MATR3: variants seen among roughly 807,000 people sequenced by gnomAD.
MATR3 encodes the protein matrin 3, also known as matrin-3.
Under a neutral mutation model 85.5 loss-of-function variants are expected in MATR3, and 4 were observed. The observed-to-expected ratio is 0.05, with a 90% CI of 0.02 to 0.11. MATR3 has a LOEUF of 0.11. MATR3 is among the 10% of genes least tolerant of loss of function. The pLI is 1.00. For missense variants in MATR3, 685 were observed against 1,016.1 expected (o/e 0.67, Z 4.43); for synonymous variants, 336 against 343.1 (o/e 0.98, Z 0.23).
In MATR3 at chr5:139,325,619, A is replaced by G; in HGVS notation, c.2328A>G (p.Pro776=). 2 of 1,614,206 alleles carry G rather than the reference A, an allele frequency of 1.2e-6. No homozygotes were observed. Among genetic ancestry groups the G allele is most frequent in the East Asian group, 2.2e-5 (1 of 44,884 alleles). ...SDENKDDYTI[P]DEYRIGPYQP... ...AGAACAAGGACGACTATACAATCCCAGATGAGTATAGAATTGGACCATATC... is the reference window on the plus strand; with the variant it reads ...AGAACAAGGACGACTATACAATCCCGGATGAGTATAGAATTGGACCATATC... Residue 776 remains proline (P), a synonymous_variant, in exon 13 of 15, where the codon CCA becomes CCG. Transcript: ENST00000394805.
intron 14 of MATR3, 129 bp downstream of exon 14, chr5:139,326,413 T>G: frequency 1.2e-6 from 1 of 844,642 alleles, no homozygotes; most frequent in Non-Finnish European, 1.8e-6. Flanking sequence ...GAAGATAACT[T>G]TTTATTTACT....
At chr5:139,300,009 T>C (rs980699000) in intron 1 of MATR3, 2 of 152,122 alleles carry the variant, frequency 1.3e-5, no homozygotes, top group African/African-American at 2.4e-5. Context: ...AGAAGGAAGA[T>C]GTTTAATTTT....
At chr5:139,309,017 A>G (rs144914695) in intron 2 of MATR3, among the ~76,000 whole-genome samples, 2 of 152,258 alleles carry the variant, frequency 1.3e-5, no homozygotes, top group East Asian at 3.9e-4. Context: ...ATCAACTACT[A>G]CAGTATCCTG....
intron 2 of MATR3, chr5:139,278,392 G>C: frequency 4.4e-6 from 2 of 453,382 alleles, no homozygotes; most frequent in South Asian, 3.1e-5. Flanking sequence ...GTGACAGTCT[G>C]CATGTGCAGT....
At chr5:139,322,084 C>G in intron 10 of MATR3, 55 bp downstream of exon 10, 1 of 1,557,572 alleles carries the variant, frequency 6.4e-7, no homozygotes, top group Admixed American at 1.7e-5. Context: ...ATATTTAAAG[C>G]CACAACATTC....
At position 139,325,578 on chromosome 5, in the gene MATR3, G is replaced by C; in HGVS notation, c.2287G>C (p.Asp763His). 6.2e-7 allele frequency: 1 copy of C among 1,614,206 alleles called. No individual in the cohort carries two copies. The highest frequency in any genetic ancestry group is 2.2e-5 in the East Asian group (1 of 44,894). Residue 763 changes from aspartate (D) to histidine (H), a missense_variant, in exon 13 of 15, where the codon GAT becomes CAT. By Grantham distance (81) the Asp-to-His change is moderately conservative (BLOSUM62 -1). Transcript: ENST00000394805. ...CAACAAAGATACAAGTGAAAACGCAGATGGTCAAAGTGATGAGAACAAGGA... is the reference window on the plus strand; with the variant it reads ...CAACAAAGATACAAGTGAAAACGCACATGGTCAAAGTGATGAGAACAAGGA... ...DPNKDTSENA[D>H]GQSDENKDDY... is the part of the protein sequence containing the mutation.
intron 13 of MATR3, 107 bp from the exon 14 acceptor site, chr5:139,326,056 C>G (rs989585519): frequency 9.4e-7 from 1 of 1,068,398 alleles, no homozygotes; most frequent in Non-Finnish European, 1.4e-6. Flanking sequence ...CTGTATTGGA[C>G]TTCTCAAAAA....
At chr5:139,305,143 T>C (rs556615503) in intron 1 of MATR3, among the ~76,000 whole-genome samples, 1 of 152,356 alleles carries the variant, frequency 6.6e-6, no homozygotes, top group Admixed American at 6.5e-5. Flanking sequence ...GGTTATGGAA[T>C]TACACGTTGT....
At chr5:139,321,811 C>A in intron 9 of MATR3, 87 bp from the exon 10 acceptor site, 1 of 1,377,518 alleles carries the variant, frequency 7.3e-7, no homozygotes, top group Non-Finnish European at 1.0e-6. Context: ...TGAAAATTTT[C>A]TAACCAGTAG....
chr5:139,306,305 T>C (rs967419127), intron 1 of MATR3, among the ~76,000 whole-genome samples: 1 of 152,128 alleles, frequency 6.6e-6, no homozygotes, highest in African/African-American at 2.4e-5. Flanking sequence ...ATTTACCAGG[T>C]GATTTGGGCT....
chr5:139,314,923 A>C, intron 3 of MATR3, 187 bp downstream of exon 3: 1 of 563,288 alleles, frequency 1.8e-6, no homozygotes, highest in Non-Finnish European at 3.2e-6. Flanking sequence ...TATTAGATGC[A>C]GTAATAATAT....
At chr5:139,282,507 G>C (rs1440648499) in intron 3 of MATR3, among the ~76,000 whole-genome samples, 1 of 152,126 alleles carries the variant, frequency 6.6e-6, no homozygotes, top group Non-Finnish European at 1.5e-5. Flanking sequence ...CAGTAAAAAG[G>C]ACTTTAAAAT....
chr5:139,324,409 G>A (rs56964500), intron 12 of MATR3, among the ~76,000 whole-genome samples: 2 of 150,058 alleles, frequency 1.3e-5, no homozygotes, highest in African/African-American at 4.9e-5. Flanking sequence ...TGCTGCCTCA[G>A]CCTCCCAAGT....
In MATR3 at chr5:139,330,972, G is replaced by T. The variant is rs1441187611; in HGVS notation, c.*1577G>T. The T allele has an allele frequency of 2.2e-6, 1 of 453,938 alleles. No homozygotes were observed. Among genetic ancestry groups the T allele is most frequent in the Non-Finnish European group, 4.4e-6 (1 of 226,768 alleles). 28.1% of individuals were successfully genotyped at this position (453,938 alleles called of 1,614,324 possible). On this transcript the variant is annotated 3_prime_UTR_variant, in exon 15 of 15. Transcript: ENST00000394805. ...TACCTGGCTAGTTTTTGGTTTTTTT[G>T]TATAGATGGGGCTTTGCCATGTTGC...
chr5:139,308,242 G>A lies in MATR3; in HGVS notation c.827G>A (p.Ser276Asn), dbSNP rs762374587. 1.9e-6 allele frequency: 3 copies of A among 1,614,100 alleles called. No individual in the cohort carries two copies. The highest frequency in any genetic ancestry group is 2.5e-6 in the Non-Finnish European group (3 of 1,180,002). The change falls in exon 2 of 15, where the codon AGC becomes AAC. Residue 276 changes from serine (S) to asparagine (N), a missense_variant. By Grantham distance (46) the Ser-to-Asn change is conservative. This residue lies in a region of MATR3 where 223 missense variants were observed against 334.4 expected (regional missense o/e 0.67). Transcript: ENST00000394805. ...FEKKRGAPPS[S>N]NIEDFHGLLP... is the part of the protein sequence containing the mutation. ...AAAAAGAGAGGCGCTCCTCCAAGTA[G>A]CAATATTGAAGACTTCCATGGACTC...
chr5:139,315,791 T>G (rs1755210284), intron 4 of MATR3, 53 bp downstream of exon 4: 2 of 1,388,358 alleles, frequency 1.4e-6, no homozygotes, highest in African/African-American at 2.8e-5. Flanking sequence ...TGTAAGGAAT[T>G]CAGGTTTCAC....
chr5:139,326,422 C>CTTT (rs34218388), intron 14 of MATR3, 138 bp downstream of exon 14: 359 of 537,268 alleles, frequency 6.7e-4, no homozygotes, highest in East Asian at 1.6e-3. Context: ...TTTTTATTTA[C>CTTT]TTTTTTTTTT....
intron 13 of MATR3, 50 bp downstream of exon 13, chr5:139,325,712 A>G: frequency 2.0e-6 from 3 of 1,480,194 alleles, no homozygotes; most frequent in Non-Finnish European, 2.8e-6. Flanking sequence ...CTCAAAACAA[A>G]CTCTTAGGTT....
intron 2 of MATR3, among the ~76,000 whole-genome samples, chr5:139,308,894 G>T (rs1011453953): frequency 6.6e-6 from 1 of 152,040 alleles, no homozygotes; most frequent in South Asian, 2.1e-4. Context: ...CTCATACTAT[G>T]ACTGAAATTT....
Sources: gnomAD v4.1 joint callset for allele counts (sites outside exome capture counted in the v4.1 genomes callset) on GRCh38, gnomAD v4.1.1 for gene constraint, gnomAD v4.1.1 regional missense constraint, MANE v1.5 for transcripts, NCBI Gene and HGNC (gene_info 2026-07-23, HGNC 2026-07-21) for gene names.